NXPH1: variants seen among roughly 807,000 people sequenced by gnomAD.
The protein encoded by NXPH1 is neurexophilin 1.
In NXPH1, 5 loss-of-function variants were observed where a neutral mutation model predicts 23.7. The ratio of observed to expected loss-of-function variants is 0.21; its 90% CI spans 0.11 to 0.44. The LOEUF (loss-of-function observed/expected upper bound fraction) is 0.44, where lower values mean the gene tolerates loss of function less well. Among genes scored for constraint, NXPH1 ranks in the 20% least tolerant of loss-of-function variants. The pLI is 0.99. For missense variants in NXPH1, 324 were observed against 321.6 expected (o/e 1.01, Z -0.06); for synonymous variants, 144 against 122.2 (o/e 1.18, Z -1.18).
intron 2 of NXPH1, among the ~76,000 whole-genome samples, chr7:8,456,989 C>T (rs1464097483): frequency 6.6e-6 from 1 of 152,190 alleles, no homozygotes; most frequent in Non-Finnish European, 1.5e-5. Flanking sequence ...ATCTTCTAAA[C>T]ATTGTCCCTG....
intron 2 of NXPH1, among the ~76,000 whole-genome samples, chr7:8,691,317 T>G (rs1031393527): frequency 6.6e-6 from 1 of 152,068 alleles, no homozygotes. Flanking sequence ...TCCAGCTAAT[T>G]TTTGTATTTT....
At chr7:8,749,116 A>G (rs771199452) in intron 2 of NXPH1, among the ~76,000 whole-genome samples, 23 of 152,284 alleles carry the variant, frequency 1.5e-4, no homozygotes, top group Admixed American at 2.6e-4. Flanking sequence ...CAAGATCTCC[A>G]TATGTATTAT....
chr7:8,662,189 T>TATACACACAC (rs145866939), intron 2 of NXPH1, among the ~76,000 whole-genome samples: 9 of 150,630 alleles, frequency 6.0e-5, no homozygotes, highest in African/African-American at 1.7e-4. Context: ...TATATATATA[T>TATACACACAC]ACACACATAT....
intron 2 of NXPH1, among the ~76,000 whole-genome samples, chr7:8,489,999 G>T (rs147463200): frequency 5.3e-5 from 8 of 151,962 alleles, no homozygotes; most frequent in Non-Finnish European, 1.2e-4. Context: ...CAAGTTCTGC[G>T]GTATCTTCAG....
intron 2 of NXPH1, among the ~76,000 whole-genome samples, chr7:8,560,997 T>A (rs1287796977): frequency 2.6e-5 from 4 of 151,590 alleles, no homozygotes; most frequent in Admixed American, 2.6e-4. Flanking sequence ...CCCTCTGGAT[T>A]GAAATATTAA....
chr7:8,479,659 C>G (rs1272322243), intron 2 of NXPH1, among the ~76,000 whole-genome samples: 1 of 152,028 alleles, frequency 6.6e-6, no homozygotes, highest in Non-Finnish European at 1.5e-5. Context: ...AATTCCAGGT[C>G]TGGGGCAGGA....
intron 2 of NXPH1, among the ~76,000 whole-genome samples, chr7:8,685,554 C>G (rs573207829): frequency 1.3e-5 from 2 of 151,950 alleles, no homozygotes; most frequent in Non-Finnish European, 2.9e-5. Flanking sequence ...TTGTAAACAG[C>G]GCTACACAAA....
intron 2 of NXPH1, among the ~76,000 whole-genome samples, chr7:8,523,906 G>A (rs1817817670): frequency 6.6e-6 from 1 of 152,094 alleles, no homozygotes; most frequent in Non-Finnish European, 1.5e-5. Context: ...AGAAAATCAA[G>A]CGTGAGAGAA....
At position 8,698,585 on chromosome 7, in the gene NXPH1, A is replaced by G. The variant is rs148813652; in HGVS notation, c.55-52423A>G. ...AGTATCTACGCATTTACATATTGAA[A>G]GACATCTTATGGGGTACTATACTGA... On this transcript the variant is annotated intron_variant, in intron 2 of 2. Coordinates refer to ENST00000405863, the MANE Select transcript of NXPH1 (RefSeq NM_152745.3). 8.3e-4 allele frequency among the ~76,000 whole-genome samples: 125 copies of G among 151,416 alleles called. 1 individual carries two copies. Among genetic ancestry groups the G allele is most frequent in the Non-Finnish European group, 1.6e-3 (106 of 67,720 alleles).
chr7:8,615,101 A>G (rs2128630299), intron 2 of NXPH1, among the ~76,000 whole-genome samples: 1 of 151,988 alleles, frequency 6.6e-6, no homozygotes, highest in East Asian at 1.9e-4. Flanking sequence ...AAACTGTATG[A>G]CGCTGATTGG....
chr7:8,729,866 C>T (rs1780120013), intron 2 of NXPH1, among the ~76,000 whole-genome samples: 1 of 149,908 alleles, frequency 6.7e-6, no homozygotes, highest in Admixed American at 6.6e-5. Context: ...CCGCTTGGTG[C>T]AGAGCTGAGT....
At chr7:8,445,291 G>A (rs553209746) in intron 2 of NXPH1, among the ~76,000 whole-genome samples, 3 of 152,232 alleles carry the variant, frequency 2.0e-5, no homozygotes, top group South Asian at 2.1e-4. Flanking sequence ...CCAATAAAGC[G>A]AAAAAGACAT....
chr7:8,457,541 A>AGTT (rs1554423007), intron 2 of NXPH1, among the ~76,000 whole-genome samples: 3 of 81,584 alleles, frequency 3.7e-5, no homozygotes, highest in African/African-American at 3.4e-4. Flanking sequence ...CCTAATTCTT[A>AGTT]GTTTTTTTTT....
In NXPH1 at chr7:8,638,813, T is replaced by G. The variant is rs114430147; in HGVS notation, c.55-112195T>G. Among the ~76,000 whole-genome samples, 1,441 of 152,302 alleles carry G rather than the reference T, an allele frequency of 9.5e-3. 25 individuals are homozygous for G. The highest frequency in any genetic ancestry group is 0.032 in the African/African-American group (1,342 of 41,556). On this transcript the variant is annotated intron_variant, in intron 2 of 2. Coordinates refer to ENST00000405863, the MANE Select transcript of NXPH1 (RefSeq NM_152745.3). ...ATAACCCATCTTGGCTGCATTATTT[T>G]TTACCCACTGCACTTTACTGCTCGT...
intron 2 of NXPH1, among the ~76,000 whole-genome samples, chr7:8,507,553 T>A (rs1817548781): frequency 3.9e-5 from 6 of 152,116 alleles, no homozygotes. Flanking sequence ...CATGAATCCT[T>A]CTAGTAGTTC....
chr7:8,467,278 G>A (rs11972804), intron 2 of NXPH1, among the ~76,000 whole-genome samples: 8,334 of 152,160 alleles, frequency 0.055, 436 homozygotes, highest in African/African-American at 0.14. Flanking sequence ...CTATGAAAGG[G>A]TATTAATAGC....
Position 8,739,171 on chromosome 7 carries a change from T to TAAAA in NXPH1, c.55-11807_55-11804dup, listed in dbSNP as rs34593997. On this transcript the variant is annotated intron_variant, in intron 2 of 2. Coordinates refer to ENST00000405863, the MANE Select transcript of NXPH1 (RefSeq NM_152745.3). ...ACTGGAGTTCCAGGCACCAGTGGGG[T>TAAAA]AAAAAAAAAAAAAAAAAAAAAAAAA... is the stretch of plus-strand genomic sequence containing the variant. 3.8e-3 allele frequency among the ~76,000 whole-genome samples: 206 copies of TAAAA among 54,032 alleles called. 7 individuals are homozygous for TAAAA. Among genetic ancestry groups the TAAAA allele is most frequent in the East Asian group, 0.026 (54 of 2,096 alleles). 35.4% of individuals were successfully genotyped at this position (54,032 alleles called of 152,430 possible).
chr7:8,451,052 C>T (rs929069584), intron 2 of NXPH1, among the ~76,000 whole-genome samples: 1 of 150,506 alleles, frequency 6.6e-6, no homozygotes, highest in African/African-American at 2.5e-5. Context: ...TAAAATTGGT[C>T]TGGATGAACA....
At chr7:8,524,324 C>T (rs1352158952) in intron 2 of NXPH1, among the ~76,000 whole-genome samples, 1 of 149,410 alleles carries the variant, frequency 6.7e-6, no homozygotes, top group Non-Finnish European at 1.5e-5. Flanking sequence ...CCCAACAAAT[C>T]TTGGTCAATA....
Sources: gnomAD v4.1 joint callset for allele counts (sites outside exome capture counted in the v4.1 genomes callset) on GRCh38, gnomAD v4.1.1 for gene constraint, MANE v1.5 for transcripts, NCBI Gene and HGNC (gene_info 2026-07-23, HGNC 2026-07-21) for gene names.